The following PSIP1 variants were observed in gnomAD, a reference collection of about 807,000 sequenced individuals.
PSIP1 encodes PC4 and SFRS1-interacting protein.
A neutral mutation model predicts 74.7 loss-of-function variants in PSIP1; 19 were observed. The observed-to-expected ratio is 0.25, with a 90% CI of 0.18 to 0.37. PSIP1 has a LOEUF of 0.37. Among genes scored for constraint, PSIP1 ranks in the 10% least tolerant of loss-of-function variants. The pLI is 1.00. For missense variants in PSIP1, 601 were observed against 614.3 expected, an observed-to-expected ratio of 0.98 and a Z score of 0.23; for synonymous variants, 222 against 195.3, an observed-to-expected ratio of 1.14 and a Z score of -1.14.
intron 3 of PSIP1, among the ~76,000 whole-genome samples, chr9:15,498,532 C>G (rs762595602): frequency 1.1e-4 from 16 of 151,964 alleles, no homozygotes; most frequent in Admixed American, 9.8e-4. Flanking sequence ...CTTGGGCACG[C>G]AGTCCGACAG....
intron 3 of PSIP1, among the ~76,000 whole-genome samples, chr9:15,499,442 T>A (rs2037230582): frequency 6.6e-6 from 1 of 152,228 alleles, no homozygotes; most frequent in Non-Finnish European, 1.5e-5. Flanking sequence ...AGTGTGTACA[T>A]GTGCATTCCA....
Position 15,468,774 on chromosome 9 carries a change from T to C in PSIP1, c.1276A>G (p.Met426Val). Reference sequence around the variant, plus strand: ...GAATCTCCTTCACCAACCAAGAACATGTTCTTAAACTTGTTATACAACATT... The same window carrying C: ...GAATCTCCTTCACCAACCAAGAACACGTTCTTAAACTTGTTATACAACATT... ...STMLYNKFKN[M>V]FLVGEGDSVI... Residue 426 changes from methionine (M) to valine (V), a missense_variant, in exon 14 of 16, where the codon ATG (methionine) becomes GTG (valine). This residue lies in a region of PSIP1 where 538 missense variants were observed against 507.6 expected (regional missense o/e 1.06). Transcript: ENST00000380733. The C allele has an allele frequency of 1.9e-6, 3 of 1,613,964 alleles. No homozygotes were observed. The highest frequency in any genetic ancestry group is 2.5e-6 in the Non-Finnish European group (3 of 1,179,834).
At position 15,510,147 on chromosome 9, in the gene PSIP1, C is replaced by T; in HGVS notation, c.42G>A (p.Lys14=). 6.2e-7 allele frequency: 1 copy of T among 1,608,308 alleles called. No homozygotes were observed. The highest frequency in any genetic ancestry group is 8.5e-7 in the Non-Finnish European group (1 of 1,177,472). Residue 14 remains lysine (K), a synonymous_variant, in exon 2 of 16, where the codon AAG becomes AAA. Coordinates refer to ENST00000380733, the MANE Select transcript of PSIP1 (RefSeq NM_033222.5). ...CTGGCCAATGGGGATAACCTTTCAT[C>T]TTGGCGAAGATGAGGTCTCCAGGTT... ...DFKPGDLIFA[K]MKGYPHWPAR...
Position 15,486,808 on chromosome 9 carries a change from T to C in PSIP1, c.393+19A>G. The stretch of plus-strand genomic sequence containing the variant: ...TTGAAACAAAATGGGTTTAAAATGT[T>C]AGGAGAAATAGAACATACCTCATTG... On this transcript the variant is annotated intron_variant, in intron 5 of 15. Transcript: ENST00000380733. 6.5e-7 allele frequency: 1 copy of C among 1,536,046 alleles called. No individual in the cohort carries two copies. The highest frequency in any genetic ancestry group is 8.9e-7 in the Non-Finnish European group (1 of 1,118,652).
chr9:15,509,380 G>C (rs1269062963), intron 2 of PSIP1, among the ~76,000 whole-genome samples: 1 of 152,156 alleles, frequency 6.6e-6, no homozygotes, highest in Non-Finnish European at 1.5e-5. Context: ...TCTTTAAACA[G>C]TCTCAATTCC....
At chr9:15,484,369 T>A (rs1282475234) in intron 6 of PSIP1, among the ~76,000 whole-genome samples, 1 of 151,562 alleles carries the variant, frequency 6.6e-6, no homozygotes, top group East Asian at 1.9e-4. Context: ...GAGGCTGAGA[T>A]GGGCAGATCA....
In PSIP1 at chr9:15,501,866, T is replaced by TATATATATATATATATATATATATATAA. The variant is rs1491160431; in HGVS notation, c.149+4694_149+4695insTTATATATATATATATATATATATATAT. Among the ~76,000 whole-genome samples, 133 of 135,568 alleles carry TATATATATATATATATATATATATATAA rather than the reference T, an allele frequency of 9.8e-4. 1 individual carries two copies. Among genetic ancestry groups the TATATATATATATATATATATATATATAA allele is most frequent in the South Asian group, 4.6e-3 (19 of 4,130 alleles). The allele number at this position is 135,568 out of a possible 152,430, so 88.9% of individuals were successfully genotyped here. On this transcript the variant is annotated intron_variant, in intron 3 of 15. Transcript: ENST00000380733. ...ATATATATATATATATATATATATATAAAACGCACACCCTCCCATATACTT... is the reference window on the plus strand; with the variant it reads ...ATATATATATATATATATATATATATATATATATATATATATATATATATATAAAAAACGCACACCCTCCCATATACTT...
chr9:15,480,413 G>C (rs2036286943), intron 6 of PSIP1, among the ~76,000 whole-genome samples: 1 of 151,796 alleles, frequency 6.6e-6, no homozygotes, highest in Non-Finnish European at 1.5e-5. Context: ...AAAACAAGAA[G>C]GCATTCAAAA....
Position 15,465,302 on chromosome 9 carries a change from T to C in PSIP1, c.*218A>G, listed in dbSNP as rs951712309. The C allele has an allele frequency of 2.2e-5, 10 of 457,852 alleles. No individual in the cohort carries two copies. The highest frequency in any genetic ancestry group is 1.8e-4 in the East Asian group (5 of 27,732). The allele number at this position is 457,852 out of a possible 1,614,324, so 28.4% of individuals were successfully genotyped here. A position where few individuals can be genotyped will look rare whatever the true frequency, so the allele number is the denominator to read the frequency against. On this transcript the variant is annotated 3_prime_UTR_variant, in exon 16 of 16. Coordinates refer to ENST00000380733, the MANE Select transcript of PSIP1 (RefSeq NM_033222.5). ...AGCAGTTTAACATTTTCTAAATGGA[T>C]TTTATCCCACATTTACTGTATAATG...
intron 6 of PSIP1, among the ~76,000 whole-genome samples, chr9:15,485,388 C>T (rs2132114738): frequency 6.6e-6 from 1 of 152,226 alleles, no homozygotes; most frequent in South Asian, 2.1e-4. Context: ...ACAAATAAGC[C>T]ACTGTAATTA....
chr9:15,469,120 C>T (rs2035739307), intron 12 of PSIP1, 62 bp from the exon 13 acceptor site: 4 of 1,488,460 alleles, frequency 2.7e-6, no homozygotes, highest in Middle Eastern at 1.8e-4. Context: ...CAATCTGTTT[C>T]TAAAGATCGT....
At chr9:15,471,692 C>A (rs772513381) in intron 10 of PSIP1, 1 of 962,114 alleles carries the variant, frequency 1.0e-6, no homozygotes, top group Admixed American at 6.2e-5. Flanking sequence ...CTTGTATATC[C>A]TCCAAACTAA....
In PSIP1 at chr9:15,464,594, T is replaced by G. The variant is rs918972372; in HGVS notation, c.*926A>C. On this transcript the variant is annotated 3_prime_UTR_variant, in exon 16 of 16. Transcript: ENST00000380733. The stretch of plus-strand genomic sequence containing the variant: ...ATGATTTCAAATAGGTGAGTTTCCT[T>G]ATATAACATTTATTCATATTTATTG... 18 of 197,896 alleles carry G rather than the reference T, an allele frequency of 9.1e-5. No individual in the cohort carries two copies. Among genetic ancestry groups the G allele is most frequent in the African/African-American group, 3.9e-4 (17 of 43,362 alleles). The allele number at this position is 197,896 out of a possible 1,614,324, so 12.3% of individuals were successfully genotyped here.
intron 3 of PSIP1, among the ~76,000 whole-genome samples, chr9:15,495,749 G>A (rs1487139164): frequency 2.0e-5 from 3 of 151,926 alleles, no homozygotes; most frequent in Non-Finnish European, 4.4e-5. Context: ...TTTTTTGTTG[G>A]TATCACTTCT....
chr9:15,488,993 C>G (rs1279809121), intron 4 of PSIP1, among the ~76,000 whole-genome samples: 2 of 152,144 alleles, frequency 1.3e-5, no homozygotes, highest in Non-Finnish European at 2.9e-5. Context: ...TGCACCCCAG[C>G]CTGGGCGACA....
intron 2 of PSIP1, among the ~76,000 whole-genome samples, chr9:15,507,163 T>C (rs2132245111): frequency 6.6e-6 from 1 of 152,338 alleles, no homozygotes; most frequent in South Asian, 2.1e-4. Flanking sequence ...TATGAAAAGA[T>C]CCTTCACTGA....
At chr9:15,489,940 C>T (rs751827134) in intron 4 of PSIP1, 46 bp downstream of exon 4, 1 of 1,403,918 alleles carries the variant, frequency 7.1e-7, no homozygotes, top group Non-Finnish European at 9.5e-7. Flanking sequence ...GTGATTATTC[C>T]CCAGGATTAA....
chr9:15,484,868 G>A (rs961253818), intron 6 of PSIP1, among the ~76,000 whole-genome samples: 4 of 143,596 alleles, frequency 2.8e-5, no homozygotes, highest in Admixed American at 7.4e-5. Context: ...AGCCAAGATC[G>A]CACCACTTCA....
chr9:15,483,112 A>G (rs2036408558), intron 6 of PSIP1, among the ~76,000 whole-genome samples: 1 of 152,084 alleles, frequency 6.6e-6, no homozygotes, highest in Admixed American at 6.6e-5. Context: ...TCCTCTCAAT[A>G]AACCGTTCTC....
Sources: gnomAD v4.1 joint callset for allele counts (sites outside exome capture counted in the v4.1 genomes callset) on GRCh38, gnomAD v4.1.1 for gene constraint, gnomAD v4.1.1 regional missense constraint, MANE v1.5 for transcripts, NCBI Gene and HGNC (gene_info 2026-07-23, HGNC 2026-07-21) for gene names.